Variants in CYGB observed in about 807,000 individuals in gnomAD.
CYGB encodes the protein histoglobin.
Under a neutral mutation model 20.7 loss-of-function variants are expected in CYGB, and 13 were observed. That is an observed-to-expected ratio of 0.63 (90% CI 0.41 to 1.00). The LOEUF is 1.00. Among genes scored for constraint, CYGB ranks in the 50% least tolerant of loss-of-function variants. The pLI is 0.00. For missense variants in CYGB, 218 were observed against 257.2 expected (o/e 0.85, Z 1.04); for synonymous variants, 93 against 107.4 (o/e 0.87, Z 0.83).
upstream of CYGB, chr17:76,540,558 C>G: frequency 6.2e-7 from 1 of 1,613,474 alleles, no homozygotes; most frequent in Non-Finnish European, 8.5e-7. The surrounding 1 kb of genome is among the most constrained non-coding windows in gnomAD (Gnocchi z 5.0). Context: ...GATGCGGACC[C>G]TCAGTCCTCA....
At chr17:76,541,506 G>A (rs754603270), upstream of CYGB, among the ~76,000 whole-genome samples, 2 of 152,134 alleles carry the variant, frequency 1.3e-5, no homozygotes, top group Non-Finnish European at 1.5e-5. Context: ...ACTGGCAACC[G>A]AGAGAACTTC....
intron 1 of CYGB, among the ~76,000 whole-genome samples, chr17:76,535,515 G>A (rs1254014009): frequency 2.6e-5 from 4 of 152,164 alleles, no homozygotes; most frequent in Admixed American, 1.3e-4. Flanking sequence ...GCAGGGAGTG[G>A]CTGAGACAAA....
At chr17:76,543,528 C>T in intron 1 of CYGB, 1 of 352,012 alleles carries the variant, frequency 2.8e-6, no homozygotes, top group Non-Finnish European at 5.6e-6. Flanking sequence ...TGGGGAAACA[C>T]AGAGACAGGT....
chr17:76,550,323 G>C (rs1273164043), intron 1 of CYGB: 1 of 147,302 alleles, frequency 6.8e-6, no homozygotes, highest in African/African-American at 2.5e-5. Flanking sequence ...GTGCAATGGT[G>C]CGATCTCGGC....
intron 1 of CYGB, chr17:76,545,620 C>G (rs1435403651): frequency 6.0e-6 from 2 of 333,528 alleles, no homozygotes; most frequent in African/African-American, 4.3e-5. Context: ...CCAGCACATC[C>G]TACCTCTGTG....
At chr17:76,541,431 T>C (rs2074992669), upstream of CYGB, among the ~76,000 whole-genome samples, 1 of 152,220 alleles carries the variant, frequency 6.6e-6, no homozygotes, top group Non-Finnish European at 1.5e-5. Context: ...TGGCGGGTAC[T>C]GTGACCATCC....
At chr17:76,548,383 CATTT>C (rs2075077278) in intron 1 of CYGB, among the ~76,000 whole-genome samples, 1 of 152,210 alleles carries the variant, frequency 6.6e-6, no homozygotes. Context: ...TTCATTTGGT[CATTT>C]ATTTAACAAG....
chr17:76,540,215 C>T (rs757471313), upstream of CYGB: 15 of 1,454,554 alleles, frequency 1.0e-5, no homozygotes, highest in Middle Eastern at 3.8e-4. The surrounding 1 kb of genome is among the most constrained non-coding windows in gnomAD (Gnocchi z 5.0). Context: ...CGAGTCCAAC[C>T]GTGAGAAACT....
At position 76,531,384 on chromosome 17, in the gene CYGB, C is replaced by G; in HGVS notation, c.375+76G>C. 2 of 1,518,932 alleles carry G rather than the reference C, an allele frequency of 1.3e-6. No individual in the cohort carries two copies. The highest frequency in any genetic ancestry group is 1.8e-6 in the Non-Finnish European group (2 of 1,113,002). 94.1% of individuals were successfully genotyped at this position (1,518,932 alleles called of 1,614,324 possible). ...GATCACCTCTGTTGCTCCAGAGAGC[C>G]GTCGCAGAGCCTGCGAGCTGCAGAT... On this transcript the variant is annotated intron_variant, in intron 2 of 3. Transcript: ENST00000293230. This position sits in a 1 kb window ranked among gnomAD's most constrained non-coding sequence, Gnocchi z 7.4.
intron 1 of CYGB, chr17:76,550,285 G>C (rs1598220567): frequency 6.8e-6 from 1 of 146,984 alleles, no homozygotes; most frequent in African/African-American, 2.5e-5. Flanking sequence ...TTTTGAGATG[G>C]AGTTTTGCTC....
intron 1 of CYGB, among the ~76,000 whole-genome samples, chr17:76,535,275 G>T (rs2074902707): frequency 6.6e-6 from 1 of 152,208 alleles, no homozygotes; most frequent in Non-Finnish European, 1.5e-5. Flanking sequence ...AGTGGGGAGG[G>T]CAGAGGTGAG....
At chr17:76,549,939 TTTTG>T (rs1271169390) in intron 1 of CYGB, 2 of 152,092 alleles carry the variant, frequency 1.3e-5, no homozygotes, top group African/African-American at 4.8e-5. Context: ...GTAAGAAGGT[TTTTG>T]TTTTTTTGTT....
chr17:76,542,333 G>T (rs1234605178), upstream of CYGB, among the ~76,000 whole-genome samples: 5 of 152,212 alleles, frequency 3.3e-5, no homozygotes, highest in Non-Finnish European at 7.3e-5. Flanking sequence ...CTGACATCGA[G>T]GAACCACCTG....
chr17:76,529,183 T>C (rs1249749946), intron 3 of CYGB: 4 of 984,578 alleles, frequency 4.1e-6, no homozygotes, highest in Non-Finnish European at 4.8e-6. Flanking sequence ...ACTCTGTAAC[T>C]CCATCCTACC....
chr17:76,539,669 C>T (rs879690236), upstream of CYGB, among the ~76,000 whole-genome samples: 6 of 152,202 alleles, frequency 3.9e-5, no homozygotes, highest in Admixed American at 1.3e-4. Flanking sequence ...GCTTCGGCAG[C>T]GTCTTCTGTC....
chr17:76,549,348 C>A (rs1205842554), intron 1 of CYGB, among the ~76,000 whole-genome samples: 1 of 152,236 alleles, frequency 6.6e-6, no homozygotes, highest in Non-Finnish European at 1.5e-5. Flanking sequence ...CGACATGCGG[C>A]TGGGCGCGGT....
At chr17:76,529,040 T>A (rs1347089710) in intron 3 of CYGB, 1 of 808,630 alleles carries the variant, frequency 1.2e-6, no homozygotes, top group African/African-American at 2.7e-5. Context: ...CCTGCAGTCA[T>A]TGCGCCCCCC....
At chr17:76,542,588 C>T, upstream of CYGB, 1 of 1,613,916 alleles carries the variant, frequency 6.2e-7, no homozygotes, top group Non-Finnish European at 8.5e-7. Context: ...CTCACCTCTG[C>T]AGGTGGGGCT....
At chr17:76,537,108 G>A (rs1206920298) in intron 1 of CYGB, among the ~76,000 whole-genome samples, 2 of 152,212 alleles carry the variant, frequency 1.3e-5, no homozygotes, top group East Asian at 3.8e-4. Context: ...TGGGTGTCTG[G>A]GGTGGCTGGC....
Sources: gnomAD v4.1 joint callset for allele counts (sites outside exome capture counted in the v4.1 genomes callset) on GRCh38, gnomAD v4.1.1 for gene constraint, Gnocchi (gnomAD v3.1) non-coding constraint, MANE v1.5 for transcripts, NCBI Gene and HGNC (gene_info 2026-07-23, HGNC 2026-07-21) for gene names.